Variants in KCNH8 observed in about 807,000 individuals in gnomAD.
KCNH8 encodes voltage-gated delayed rectifier potassium channel KCNH8.
Under a neutral mutation model 103.6 loss-of-function variants are expected in KCNH8, and 70 were observed. The ratio of observed to expected loss-of-function variants is 0.68; its 90% CI spans 0.56 to 0.82. The LOEUF is 0.82. Ranked by LOEUF, KCNH8 falls within the 40% of genes least tolerant of loss-of-function variation. The probability of loss-of-function intolerance (pLI) is 0.00; values close to 1 mark genes in which losing one functional copy is unlikely to be tolerated. For missense variants in KCNH8, 1,217 were observed against 1,329.9 expected (o/e 0.92, Z 1.32); for synonymous variants, 498 against 489.4 (o/e 1.02, Z -0.23).
intron 11 of KCNH8, among the ~76,000 whole-genome samples, chr3:19,500,296 G>A (rs1327962377): frequency 2.0e-5 from 3 of 152,136 alleles, no homozygotes; most frequent in Non-Finnish European, 4.4e-5. Context: ...CAAGTCCTGA[G>A]TGACCTACAA....
chr3:19,319,564 G>A (rs1266178939), intron 3 of KCNH8, among the ~76,000 whole-genome samples: 6 of 151,918 alleles, frequency 3.9e-5, no homozygotes, highest in African/African-American at 1.4e-4. Context: ...TTTGGTGACT[G>A]TGGCCTTATA....
intron 3 of KCNH8, among the ~76,000 whole-genome samples, chr3:19,301,586 G>A (rs1340154063): frequency 2.6e-5 from 4 of 151,778 alleles, no homozygotes; most frequent in African/African-American, 4.8e-5. Context: ...GTGTTTTTTC[G>A]ACATCAAGCA....
intron 7 of KCNH8, among the ~76,000 whole-genome samples, chr3:19,419,939 A>G (rs1249868100): frequency 6.6e-6 from 1 of 152,194 alleles, no homozygotes; most frequent in African/African-American, 2.4e-5. Flanking sequence ...ACAGCTCTCA[A>G]TGAACCTGTG....
chr3:19,187,454 GACC>G lies in KCNH8; in HGVS notation c.76+38661_76+38663del, dbSNP rs2063513678. Among the ~76,000 whole-genome samples, 6 of 152,136 alleles carry G rather than the reference GACC, an allele frequency of 3.9e-5. No homozygotes were observed. In the South Asian group the frequency reaches 1.2e-3, roughly 32 times the overall value. On this transcript the variant is annotated intron_variant, in intron 1 of 15. Transcript: ENST00000328405. ...AAACCAAGGTTGTCTAAGTACAGAT[GACC>G]ATACCTTGTTAATGTGTATCACTGG...
chr3:19,519,147 G>GA (rs1411924059), intron 15 of KCNH8, among the ~76,000 whole-genome samples: 1 of 151,756 alleles, frequency 6.6e-6, no homozygotes, highest in Non-Finnish European at 1.5e-5. Flanking sequence ...CAGGCCTGAA[G>GA]AAAAAAAATT....
At chr3:19,500,819 G>A (rs1466436941) in intron 11 of KCNH8, among the ~76,000 whole-genome samples, 2 of 152,024 alleles carry the variant, frequency 1.3e-5, no homozygotes, top group East Asian at 1.9e-4. Context: ...ATGCCCACAA[G>A]AGAAAGCAGG....
At chr3:19,478,276 T>A (rs1371088487) in intron 11 of KCNH8, among the ~76,000 whole-genome samples, 1 of 152,068 alleles carries the variant, frequency 6.6e-6, no homozygotes. Flanking sequence ...ATGTAATGAT[T>A]TCCTGCCCTC....
At chr3:19,228,013 A>G (rs1391323640) in intron 1 of KCNH8, among the ~76,000 whole-genome samples, 1 of 152,106 alleles carries the variant, frequency 6.6e-6, no homozygotes, top group Non-Finnish European at 1.5e-5. Flanking sequence ...TCCTACTTAG[A>G]TTCCAGAGCT....
chr3:19,196,297 G>A (rs778606361), intron 1 of KCNH8, among the ~76,000 whole-genome samples: 42 of 151,874 alleles, frequency 2.8e-4, no homozygotes, highest in Non-Finnish European at 5.2e-4. Context: ...TTGATAAAAG[G>A]ATTAGGTACT....
chr3:19,303,811 G>T (rs2065095077), intron 3 of KCNH8, among the ~76,000 whole-genome samples: 1 of 152,226 alleles, frequency 6.6e-6, no homozygotes, highest in Admixed American at 6.6e-5. Context: ...AACAATCATT[G>T]TAGGCAAGCT....
intron 3 of KCNH8, among the ~76,000 whole-genome samples, chr3:19,302,544 A>G (rs554726661): frequency 4.6e-5 from 7 of 152,192 alleles, no homozygotes; most frequent in Non-Finnish European, 1.0e-4. Flanking sequence ...ACGTCCTTCT[A>G]TCAATAAGGT....
intron 5 of KCNH8, among the ~76,000 whole-genome samples, chr3:19,356,011 A>G (rs919298430): frequency 4.6e-5 from 7 of 151,868 alleles, no homozygotes; most frequent in South Asian, 4.1e-4. Context: ...TTAGGGCACA[A>G]TTGTTAAAAA....
chr3:19,373,702 G>C lies in KCNH8; in HGVS notation c.812-16779G>C, dbSNP rs571145220. Among the ~76,000 whole-genome samples the C allele has an allele frequency of 4.8e-3, 723 of 151,510 alleles. 6 individuals are homozygous for C. The highest frequency in any genetic ancestry group is 0.016 in the African/African-American group (671 of 41,266). On this transcript the variant is annotated intron_variant, in intron 5 of 15. Transcript: ENST00000328405. ...TCTAGTTCTTTTAATTGTGATGTTAGGGTGTCAATTTTGGATCTTTCCTGC... is the reference window on the plus strand; with the variant it reads ...TCTAGTTCTTTTAATTGTGATGTTACGGTGTCAATTTTGGATCTTTCCTGC...
chr3:19,287,047 A>C (rs564162503), intron 3 of KCNH8, among the ~76,000 whole-genome samples: 5 of 152,200 alleles, frequency 3.3e-5, no homozygotes, highest in South Asian at 4.2e-4. Flanking sequence ...TCAGGTGATC[A>C]AGAGAGAGTT....
intron 5 of KCNH8, among the ~76,000 whole-genome samples, chr3:19,387,173 A>G (rs2125128581): frequency 6.6e-6 from 1 of 152,228 alleles, no homozygotes; most frequent in East Asian, 1.9e-4. Context: ...AGTTCATCTC[A>G]CCACATTTAA....
At chr3:19,354,008 G>A (rs999504662) in intron 5 of KCNH8, among the ~76,000 whole-genome samples, 15 of 152,184 alleles carry the variant, frequency 9.9e-5, no homozygotes, top group South Asian at 2.1e-4. Flanking sequence ...CCAAAATCTC[G>A]TTAAGCTGAT....
chr3:19,254,756 C>T (rs1300508618), intron 2 of KCNH8, among the ~76,000 whole-genome samples: 6 of 152,010 alleles, frequency 3.9e-5, no homozygotes, highest in Non-Finnish European at 8.8e-5. Flanking sequence ...ACATAATCCC[C>T]TGAGTTTTAG....
At chr3:19,531,995 A>G (rs1289373940) in intron 15 of KCNH8, among the ~76,000 whole-genome samples, 10 of 152,206 alleles carry the variant, frequency 6.6e-5, no homozygotes, top group Non-Finnish European at 1.5e-4. Context: ...TATGAATCTA[A>G]CCAAAGACTA....
intron 5 of KCNH8, among the ~76,000 whole-genome samples, chr3:19,374,126 C>A (rs1433990329): frequency 6.6e-6 from 1 of 150,802 alleles, no homozygotes. Context: ...CTATTAGGTC[C>A]ACTTGGTGCA....
Sources: gnomAD v4.1 joint callset for allele counts (sites outside exome capture counted in the v4.1 genomes callset) on GRCh38, gnomAD v4.1.1 for gene constraint, MANE v1.5 for transcripts, NCBI Gene and HGNC (gene_info 2026-07-23, HGNC 2026-07-21) for gene names.